The following PLXDC2 variants were observed in gnomAD, a reference collection of about 807,000 sequenced individuals.
The protein encoded by PLXDC2 is plexin domain-containing protein 2.
Under a neutral mutation model 68.9 loss-of-function variants are expected in PLXDC2, and 40 were observed. That is an observed-to-expected ratio of 0.58 (90% CI 0.45 to 0.76). The LOEUF (loss-of-function observed/expected upper bound fraction) is 0.76. PLXDC2 is among the 30% of genes least tolerant of loss of function. The pLI, the probability that PLXDC2 is intolerant of heterozygous loss-of-function variation, is 0.00. For missense variants in PLXDC2, 644 were observed against 661.9 expected (o/e 0.97, Z 0.30); for synonymous variants, 243 against 234.2 (o/e 1.04, Z -0.34).
At chr10:19,868,068 G>T (rs1315092706) in intron 1 of PLXDC2, among the ~76,000 whole-genome samples, 1 of 152,068 alleles carries the variant, frequency 6.6e-6, no homozygotes, top group Non-Finnish European at 1.5e-5. Context: ...ACGTGGCTTT[G>T]TAATGTTTTT....
chr10:20,152,421 T>C (rs557694923), intron 6 of PLXDC2, among the ~76,000 whole-genome samples: 9 of 152,258 alleles, frequency 5.9e-5, no homozygotes, highest in Admixed American at 3.3e-4. Context: ...CTCTGTGTTG[T>C]TCAACCAAAG....
intron 2 of PLXDC2, 90 bp downstream of exon 2, chr10:20,002,076 A>G: frequency 7.8e-7 from 1 of 1,283,282 alleles, no homozygotes; most frequent in East Asian, 2.5e-5. Context: ...TTGTCTCTTC[A>G]TCTCAATCTA....
chr10:19,989,702 TTTTAA>T (rs1432390366), intron 1 of PLXDC2, among the ~76,000 whole-genome samples: 3 of 151,814 alleles, frequency 2.0e-5, no homozygotes, highest in African/African-American at 7.2e-5. Flanking sequence ...TAAAAAAGTA[TTTTAA>T]TTTAATAATT....
rs556460600 is a variant in PLXDC2, at chr10:19,821,353, A to T, written c.112+4162A>T. ...TGCGTCTCCATCCATCCATTTTCCA[A>T]TTTTTCCTGCAGATTTATCTCAAGT... On this transcript the variant is annotated intron_variant, in intron 1 of 13. Transcript: ENST00000377252. Among the ~76,000 whole-genome samples, 4 of 151,832 alleles carry T rather than the reference A, an allele frequency of 2.6e-5. No homozygotes were observed. In the East Asian group the frequency reaches 7.8e-4, roughly 29 times the overall value.
chr10:19,889,466 A>C (rs1313327534), intron 1 of PLXDC2, among the ~76,000 whole-genome samples: 1 of 152,220 alleles, frequency 6.6e-6, no homozygotes, highest in Non-Finnish European at 1.5e-5. Flanking sequence ...TTAATTAAAT[A>C]GTGTCCTAGT....
At chr10:19,857,925 G>A (rs1261095676) in intron 1 of PLXDC2, among the ~76,000 whole-genome samples, 1 of 151,992 alleles carries the variant, frequency 6.6e-6, no homozygotes. Flanking sequence ...GGTGGTTTTG[G>A]CATTTTAAAT....
chr10:19,876,900 C>T (rs1379659405), intron 1 of PLXDC2, among the ~76,000 whole-genome samples: 1 of 152,054 alleles, frequency 6.6e-6, no homozygotes, highest in African/African-American at 2.4e-5. Flanking sequence ...TTACAAATTA[C>T]ATTGCAGGTA....
At chr10:20,237,271 G>T (rs1334625688) in intron 12 of PLXDC2, among the ~76,000 whole-genome samples, 1 of 152,016 alleles carries the variant, frequency 6.6e-6, no homozygotes, top group African/African-American at 2.4e-5. Context: ...TAGCTAATGT[G>T]AATTAGGTAC....
At chr10:20,225,841 G>T (rs7075954) in intron 12 of PLXDC2, among the ~76,000 whole-genome samples, 1 of 152,088 alleles carries the variant, frequency 6.6e-6, no homozygotes. Flanking sequence ...GATTATTCCA[G>T]TGTTAAGTTG....
intron 9 of PLXDC2, among the ~76,000 whole-genome samples, chr10:20,188,447 G>T (rs1032407027): frequency 1.3e-5 from 2 of 151,678 alleles, no homozygotes; most frequent in African/African-American, 4.8e-5. Context: ...GATGCAGATT[G>T]CTCTACAGCT....
intron 1 of PLXDC2, among the ~76,000 whole-genome samples, chr10:19,996,780 G>C (rs1488950851): frequency 1.3e-5 from 2 of 152,102 alleles, no homozygotes; most frequent in African/African-American, 4.8e-5. Flanking sequence ...ACAATCATGG[G>C]GGAAGGCGAG....
chr10:20,103,674 C>T (rs1226333722), intron 4 of PLXDC2, among the ~76,000 whole-genome samples: 2 of 140,688 alleles, frequency 1.4e-5, no homozygotes, highest in South Asian at 2.2e-4. Flanking sequence ...GACGGAGTAT[C>T]GTTGTCTCCC....
At chr10:19,955,200 A>ATT (rs11418538) in intron 1 of PLXDC2, among the ~76,000 whole-genome samples, 2,428 of 132,818 alleles carry the variant, frequency 0.018, 29 homozygotes, top group African/African-American at 0.026. Flanking sequence ...TCATTTTTCA[A>ATT]TTTTTTTTTT....
At chr10:20,242,535 T>G (rs1460880275) in intron 12 of PLXDC2, among the ~76,000 whole-genome samples, 1 of 152,196 alleles carries the variant, frequency 6.6e-6, no homozygotes, top group Non-Finnish European at 1.5e-5. Flanking sequence ...TGATTTTTAT[T>G]GGCAATGTGG....
At chr10:19,957,456 C>T (rs1002174152) in intron 1 of PLXDC2, among the ~76,000 whole-genome samples, 1 of 152,100 alleles carries the variant, frequency 6.6e-6, no homozygotes, top group African/African-American at 2.4e-5. Context: ...ATTTGGATTA[C>T]ATGTATAGAA....
chr10:19,840,767 G>C (rs1488653757), intron 1 of PLXDC2, among the ~76,000 whole-genome samples: 2 of 152,036 alleles, frequency 1.3e-5, no homozygotes, highest in Non-Finnish European at 2.9e-5. Context: ...TCATATGTGT[G>C]ATATTACGTG....
intron 4 of PLXDC2, among the ~76,000 whole-genome samples, chr10:20,102,042 T>A (rs1833430254): frequency 6.6e-6 from 1 of 152,046 alleles, no homozygotes; most frequent in South Asian, 2.1e-4. Context: ...CCTCATTTGA[T>A]CCTCCCGCCT....
intron 4 of PLXDC2, among the ~76,000 whole-genome samples, chr10:20,079,682 A>G (rs12218217): frequency 0.21 from 32,176 of 152,054 alleles, 4,811 homozygotes; most frequent in East Asian, 0.61. Flanking sequence ...CTAACACAGG[A>G]ACAGAAAACC....
intron 1 of PLXDC2, among the ~76,000 whole-genome samples, chr10:19,872,306 G>A (rs932660740): frequency 2.0e-5 from 3 of 152,196 alleles, no homozygotes; most frequent in Admixed American, 1.3e-4. Flanking sequence ...CCTCAAAGCA[G>A]GATTGAAAAG....
Sources: allele counts gnomAD v4.1 joint callset (sites outside exome capture counted in the v4.1 genomes callset), GRCh38; gene constraint gnomAD v4.1.1; transcripts MANE v1.5; gene names NCBI Gene and HGNC (gene_info 2026-07-23, HGNC 2026-07-21).